The following SV2B variants were observed in gnomAD, a reference collection of about 807,000 sequenced individuals.
SV2B encodes synaptic vesicle glycoprotein 2B.
Under a neutral mutation model 73.9 loss-of-function variants are expected in SV2B, and 41 were observed. The observed-to-expected ratio is 0.56, with a 90% CI of 0.43 to 0.72. The LOEUF (loss-of-function observed/expected upper bound fraction) is 0.72, where lower values mean the gene tolerates loss of function less well. Ranked by LOEUF, SV2B falls within the 30% of genes least tolerant of loss-of-function variation. The probability of loss-of-function intolerance (pLI) is 0.00; values close to 1 mark genes in which losing one functional copy is unlikely to be tolerated. For synonymous variants in SV2B, 314 were observed against 314.2 expected, an observed-to-expected ratio of 1.00 and a Z score of 0.01; for missense variants, 764 against 857.8, an observed-to-expected ratio of 0.89 and a Z score of 1.37.
rs1159063158 is a variant in SV2B, at chr15:91,299,073, C to T, written c.*6521C>T. On this transcript the variant is annotated 3_prime_UTR_variant, in exon 13 of 13. Coordinates refer to ENST00000394232, the MANE Select transcript of SV2B (RefSeq NM_001323032.3). ...AGCTAAATAGCTTGATTTAGTCACT[C>T]TAAAATGTGGGTGTGTATATATACA... The T allele has an allele frequency of 6.6e-6, 1 of 152,102 alleles. No individual in the cohort carries two copies. Among genetic ancestry groups the T allele is most frequent in the East Asian group, 1.9e-4 (1 of 5,190 alleles). 9.4% of individuals were successfully genotyped at this position (152,102 alleles called of 1,614,324 possible). A position where few individuals can be genotyped will look rare whatever the true frequency, so the allele number is the denominator to read the frequency against.
At chr15:91,134,839 G>A (rs2042768850) in intron 1 of SV2B, among the ~76,000 whole-genome samples, 1 of 151,950 alleles carries the variant, frequency 6.6e-6, no homozygotes, top group African/African-American at 2.4e-5. Context: ...TCATTTCTAG[G>A]CTTCCAGCAG....
At chr15:91,173,358 A>G (rs914087045) in intron 1 of SV2B, among the ~76,000 whole-genome samples, 3 of 152,072 alleles carry the variant, frequency 2.0e-5, no homozygotes, top group East Asian at 1.9e-4. Flanking sequence ...AGGAGCTGGG[A>G]TTTGATTCTT....
intron 6 of SV2B, 63 bp from the exon 7 acceptor site, chr15:91,266,518 AC>A: frequency 8.0e-7 from 1 of 1,249,314 alleles, no homozygotes; most frequent in East Asian, 2.3e-5. Context: ...ACATTAAACT[AC>A]ACATTGAAAA....
chr15:91,199,224 G>T (rs1181556986), intron 1 of SV2B, among the ~76,000 whole-genome samples: 1 of 152,152 alleles, frequency 6.6e-6, no homozygotes, highest in Non-Finnish European at 1.5e-5. Flanking sequence ...AAGTCTTAGG[G>T]GAAGAATTTT....
chr15:91,110,061 C>T lies in SV2B; in HGVS notation c.-392+9698C>T, dbSNP rs1057082214. On this transcript the variant is annotated intron_variant, in intron 1 of 12. Transcript: ENST00000394232. This position sits in a 1 kb window ranked among gnomAD's most constrained non-coding sequence, Gnocchi z 5.4. ...TATTTGGGTGGATAAAAGAGCTGTC[C>T]GTCATTACTCACATTACAAATCACG... Among the ~76,000 whole-genome samples the T allele has an allele frequency of 4.6e-5, 7 of 152,244 alleles. No homozygotes were observed. In the East Asian group the frequency reaches 7.7e-4, roughly 17 times the overall value.
intron 9 of SV2B, among the ~76,000 whole-genome samples, chr15:91,279,904 TG>T (rs1462923026): frequency 3.3e-5 from 5 of 152,208 alleles, no homozygotes; most frequent in African/African-American, 1.2e-4. Context: ...AAGAATTTAG[TG>T]ATAGCTTTTG....
Position 91,226,689 on chromosome 15 carries a change from G to A in SV2B, c.426G>A (p.Leu142=). The change falls in exon 2 of 13, where the codon CTG becomes CTA. Residue 142 remains leucine (L), a synonymous_variant. Transcript: ENST00000394232. ...ALPSAEKDMC[L]SSSKKGMLGM... ...CCAGTGCAGAGAAGGACATGTGTCTGTCCAGTTCCAAAAAAGGAATGCTAG... is the reference window on the plus strand; with the variant it reads ...CCAGTGCAGAGAAGGACATGTGTCTATCCAGTTCCAAAAAAGGAATGCTAG... 6.2e-7 allele frequency: 1 copy of A among 1,609,224 alleles called. No individual in the cohort carries two copies. The highest frequency in any genetic ancestry group is 8.5e-7 in the Non-Finnish European group (1 of 1,179,302).
chr15:91,162,739 C>T (rs1381180239), intron 1 of SV2B, among the ~76,000 whole-genome samples: 2 of 152,132 alleles, frequency 1.3e-5, no homozygotes, highest in Non-Finnish European at 2.9e-5. Flanking sequence ...TGTTTCATTG[C>T]TGGTTGTCAA....
In SV2B at chr15:91,223,320, A is replaced by G. The variant is rs1244532718; in HGVS notation, c.-391-2553A>G. 6.6e-6 allele frequency among the ~76,000 whole-genome samples: 1 copy of G among 152,212 alleles called. No individual in the cohort carries two copies. The highest frequency in any genetic ancestry group is 2.4e-5 in the African/African-American group (1 of 41,446). ...CACAATTCAGCCAGTACCATTGAAA[A>G]TGATTAATAGTTGTGTTTCTTAAAT... On this transcript the variant is annotated intron_variant, in intron 1 of 12. Coordinates refer to ENST00000394232, the MANE Select transcript of SV2B (RefSeq NM_001323032.3). This position sits in a 1 kb window ranked among gnomAD's most constrained non-coding sequence, Gnocchi z 4.6.
At chr15:91,160,088 G>A (rs1014793230) in intron 1 of SV2B, among the ~76,000 whole-genome samples, 1 of 152,058 alleles carries the variant, frequency 6.6e-6, no homozygotes, top group African/African-American at 2.4e-5. Flanking sequence ...ATGAAAGGAC[G>A]TGCCATGTTC....
chr15:91,184,950 G>A (rs1224868155), intron 1 of SV2B, among the ~76,000 whole-genome samples: 1 of 152,180 alleles, frequency 6.6e-6, no homozygotes, highest in Admixed American at 6.5e-5. Flanking sequence ...CTCCAAATGA[G>A]ATAATTATTC....
In SV2B at chr15:91,253,311, C is replaced by G. The variant is rs1311578104; in HGVS notation, c.784+791C>G. On this transcript the variant is annotated intron_variant, in intron 4 of 12. Coordinates refer to ENST00000394232, the MANE Select transcript of SV2B (RefSeq NM_001323032.3). The surrounding 1 kb of genome is among the most constrained non-coding windows in gnomAD (Gnocchi z 5.0). The stretch of plus-strand genomic sequence containing the variant: ...AGGTTCAGCAGTGGTTTAGAATCCT[C>G]AGACCCCGAGGGGGTAGCAGACAGC... 6.6e-6 allele frequency among the ~76,000 whole-genome samples: 1 copy of G among 152,216 alleles called. No individual in the cohort carries two copies. Among genetic ancestry groups the G allele is most frequent in the African/African-American group, 2.4e-5 (1 of 41,444 alleles).
At chr15:91,161,306 G>A (rs549645052) in intron 1 of SV2B, among the ~76,000 whole-genome samples, 155 of 152,118 alleles carry the variant, frequency 1.0e-3, no homozygotes, top group Middle Eastern at 3.4e-3. Flanking sequence ...TATGTAAATT[G>A]TACCTTAATC....
intron 6 of SV2B, among the ~76,000 whole-genome samples, chr15:91,262,589 C>T (rs2047948324): frequency 6.6e-6 from 1 of 152,116 alleles, no homozygotes; most frequent in Non-Finnish European, 1.5e-5. Flanking sequence ...CAATAGTTAT[C>T]TCTTCTGCCC....
At chr15:91,112,675 C>T (rs1159343154) in intron 1 of SV2B, among the ~76,000 whole-genome samples, 1 of 152,218 alleles carries the variant, frequency 6.6e-6, no homozygotes, top group Non-Finnish European at 1.5e-5. Flanking sequence ...CTCAAAGACT[C>T]ACTGATTAGG....
chr15:91,183,788 C>T (rs2141325401), intron 1 of SV2B, among the ~76,000 whole-genome samples: 1 of 152,330 alleles, frequency 6.6e-6, no homozygotes, highest in South Asian at 2.1e-4. Context: ...GATCCACATT[C>T]ACTTGTGATT....
At position 91,281,702 on chromosome 15, in the gene SV2B, A is replaced by G. The variant is rs759431481; in HGVS notation, c.1374-26A>G. The G allele has an allele frequency of 2.5e-5, 39 of 1,546,588 alleles. No individual in the cohort carries two copies. The highest frequency in any genetic ancestry group is 3.2e-5 in the Non-Finnish European group (37 of 1,138,800). ...AGTCTCTTTTTTTCTCAGATGAATC[A>G]CTCAAGGGTCAACCTCTTCCCACAG... On this transcript the variant is annotated intron_variant, in intron 9 of 12. Transcript: ENST00000394232. This position sits in a 1 kb window ranked among gnomAD's most constrained non-coding sequence, Gnocchi z 4.7.
chr15:91,135,383 G>T (rs79183048), intron 1 of SV2B, among the ~76,000 whole-genome samples: 1 of 152,272 alleles, frequency 6.6e-6, no homozygotes, highest in South Asian at 2.1e-4. Context: ...AGATTCTCCC[G>T]TGTCGGGGGT....
Position 91,220,894 on chromosome 15 carries a change from C to T in SV2B, c.-391-4979C>T, listed in dbSNP as rs1184924095. Among the ~76,000 whole-genome samples, 1 of 152,004 alleles carries T rather than the reference C, an allele frequency of 6.6e-6. No individual in the cohort carries two copies. Among genetic ancestry groups the T allele is most frequent in the Non-Finnish European group, 1.5e-5 (1 of 68,020 alleles). ...TTTTATTTTTTTGAGACAGGGGTCTCTCTCTTTCACCCAGGCTGGAGGGCA... is the reference window on the plus strand; with the variant it reads ...TTTTATTTTTTTGAGACAGGGGTCTTTCTCTTTCACCCAGGCTGGAGGGCA... On this transcript the variant is annotated intron_variant, in intron 1 of 12. Transcript: ENST00000394232. The surrounding 1 kb of genome is among the most constrained non-coding windows in gnomAD (Gnocchi z 4.1).
Sources: allele counts gnomAD v4.1 joint callset (sites outside exome capture counted in the v4.1 genomes callset), GRCh38; gene constraint gnomAD v4.1.1; non-coding constraint Gnocchi (gnomAD v3.1); transcripts MANE v1.5; gene names NCBI Gene and HGNC (gene_info 2026-07-23, HGNC 2026-07-21).